LYZL2: variants seen among roughly 807,000 people sequenced by gnomAD.
LYZL2 encodes lysozyme-like protein 2.
A neutral mutation model predicts 17.1 loss-of-function variants in LYZL2; 13 were observed. The observed-to-expected ratio is 0.76, with a 90% CI of 0.49 to 1.21. The LOEUF is 1.21. Ranked by LOEUF, LYZL2 falls within the 50% of genes most tolerant of loss-of-function variation. The pLI is 0.00. For synonymous variants in LYZL2, 63 were observed against 74.4 expected (o/e 0.85, Z 0.79); for missense variants, 166 against 189.2 (o/e 0.88, Z 0.72).
Position 30,619,585 on chromosome 10 carries a change from C to T in LYZL2, c.298+6520G>A, listed in dbSNP as rs921180471. ...AGCAAACTATCACAAGGACAAAAAA[C>T]CAAACACCGCATGTTCTCACTCATA... On this transcript the variant is annotated intron_variant, in intron 3 of 4. Coordinates refer to ENST00000647634, the MANE Select transcript of LYZL2 (RefSeq NM_183058.3). 2.0e-5 allele frequency among the ~76,000 whole-genome samples: 3 copies of T among 151,442 alleles called. No individual in the cohort carries two copies. The South Asian group carries it at 6.3e-4, about 32-fold the overall frequency.
chr10:30,624,236 C>T (rs1718613192), intron 3 of LYZL2, among the ~76,000 whole-genome samples: 1 of 152,170 alleles, frequency 6.6e-6, no homozygotes, highest in South Asian at 2.1e-4. Context: ...TTCCCATGTC[C>T]TCTGACTTCT....
At chr10:30,622,393 C>T (rs533495502) in intron 3 of LYZL2, among the ~76,000 whole-genome samples, 3 of 151,362 alleles carry the variant, frequency 2.0e-5, no homozygotes, top group African/African-American at 7.3e-5. Flanking sequence ...AAAAAAAATA[C>T]AAAAAATTAG....
chr10:30,608,791 G>A (rs1469238401), downstream of LYZL2, among the ~76,000 whole-genome samples: 1 of 152,128 alleles, frequency 6.6e-6, no homozygotes, highest in African/African-American at 2.4e-5. Flanking sequence ...TATTCCTTCT[G>A]TGATTCCACA....
chr10:30,624,017 C>T (rs201065931), intron 3 of LYZL2, among the ~76,000 whole-genome samples: 1 of 152,212 alleles, frequency 6.6e-6, no homozygotes, highest in African/African-American at 2.4e-5. Flanking sequence ...CTTTCTCCCT[C>T]ATCGAGTCCC....
chr10:30,610,302 C>G (rs979143492), downstream of LYZL2, among the ~76,000 whole-genome samples: 4 of 152,186 alleles, frequency 2.6e-5, no homozygotes, highest in East Asian at 7.7e-4. Context: ...CTATTTTGTC[C>G]TATTAGACTT....
At chr10:30,613,175 G>A (rs763204104) in intron 3 of LYZL2, among the ~76,000 whole-genome samples, 5 of 152,190 alleles carry the variant, frequency 3.3e-5, no homozygotes, top group African/African-American at 1.2e-4. Flanking sequence ...TAGAGAAGAC[G>A]CTATGTGAAA....
At chr10:30,613,681 A>C (rs1838483699) in intron 3 of LYZL2, among the ~76,000 whole-genome samples, 1 of 152,084 alleles carries the variant, frequency 6.6e-6, no homozygotes, top group Non-Finnish European at 1.5e-5. Flanking sequence ...TACCTTTTAA[A>C]TCAAATACAC....
chr10:30,627,731 A>G (rs1231883296), intron 1 of LYZL2, among the ~76,000 whole-genome samples: 1 of 152,152 alleles, frequency 6.6e-6, no homozygotes, highest in African/African-American at 2.4e-5. Flanking sequence ...CAAAAGTTAC[A>G]TGCAGATTTT....
chr10:30,627,513 A>G (rs1419948338), intron 1 of LYZL2, among the ~76,000 whole-genome samples: 1 of 152,092 alleles, frequency 6.6e-6, no homozygotes, highest in East Asian at 1.9e-4. Context: ...AATATTTACT[A>G]TTAACAAATA....
intron 3 of LYZL2, among the ~76,000 whole-genome samples, chr10:30,620,511 A>G (rs971290162): frequency 1.1e-4 from 16 of 152,178 alleles, no homozygotes; most frequent in African/African-American, 3.6e-4. Flanking sequence ...CTCCTTTGCT[A>G]TGTGTCTTTT....
chr10:30,627,933 G>C (rs957418336), intron 1 of LYZL2, among the ~76,000 whole-genome samples: 4 of 152,222 alleles, frequency 2.6e-5, no homozygotes, highest in African/African-American at 9.6e-5. Flanking sequence ...GCCGAGACGG[G>C]CGGATCACGA....
intron 3 of LYZL2, among the ~76,000 whole-genome samples, chr10:30,613,756 C>T (rs1264300924): frequency 1.3e-5 from 2 of 152,164 alleles, no homozygotes; most frequent in Admixed American, 6.5e-5. Context: ...CACTCTGTCA[C>T]CCAGGCTGGA....
chr10:30,623,355 A>G (rs1478058357), intron 3 of LYZL2, among the ~76,000 whole-genome samples: 1 of 152,208 alleles, frequency 6.6e-6, no homozygotes, highest in Non-Finnish European at 1.5e-5. Context: ...GCTGTAAAAC[A>G]AGGTTAAAGA....
Position 30,626,094 on chromosome 10 carries a change from C to G in LYZL2, c.298+11G>C. The G allele has an allele frequency of 6.2e-7, 1 of 1,611,432 alleles. No homozygotes were observed. Reference sequence around the variant, plus strand: ...CCTGAGGATGGCATCACTGGAAAGTCAGAGCCTCACCTGAGCAGGCGACGT... The same window carrying G: ...CCTGAGGATGGCATCACTGGAAAGTGAGAGCCTCACCTGAGCAGGCGACGT... On this transcript the variant is annotated intron_variant, in intron 3 of 4. Coordinates refer to ENST00000647634, the MANE Select transcript of LYZL2 (RefSeq NM_183058.3).
At chr10:30,612,934 A>C (rs756784708) in intron 3 of LYZL2, 34 bp from the exon 4 acceptor site, 4 of 1,571,102 alleles carry the variant, frequency 2.5e-6, no homozygotes, top group Non-Finnish European at 3.5e-6. Context: ...GTTAGGCGAG[A>C]CTTTGTTGTT....
chr10:30,623,848 G>A (rs935096677), intron 3 of LYZL2, among the ~76,000 whole-genome samples: 3 of 152,076 alleles, frequency 2.0e-5, no homozygotes, highest in African/African-American at 4.8e-5. Flanking sequence ...CCTCGTCCAC[G>A]GAAAATTTGT....
chr10:30,613,179 T>C (rs970682899), intron 3 of LYZL2, among the ~76,000 whole-genome samples: 5 of 152,186 alleles, frequency 3.3e-5, no homozygotes, highest in African/African-American at 7.2e-5. Context: ...GAAGACGCTA[T>C]GTGAAAATGT....
At chr10:30,627,623 G>C (rs1189723220) in intron 1 of LYZL2, among the ~76,000 whole-genome samples, 1 of 151,956 alleles carries the variant, frequency 6.6e-6, no homozygotes, top group Non-Finnish European at 1.5e-5. Flanking sequence ...ATCCAGTATA[G>C]ACATAGAACG....
chr10:30,616,452 A>T (rs1448507656), intron 3 of LYZL2, among the ~76,000 whole-genome samples: 3 of 152,238 alleles, frequency 2.0e-5, no homozygotes, highest in African/African-American at 7.2e-5. Flanking sequence ...TGGGAGGCTG[A>T]GGCGGGCAGA....
Sources: gnomAD v4.1 joint callset for allele counts (sites outside exome capture counted in the v4.1 genomes callset) on GRCh38, gnomAD v4.1.1 for gene constraint, MANE v1.5 for transcripts, NCBI Gene and HGNC (gene_info 2026-07-23, HGNC 2026-07-21) for gene names.